TMEM45B: variants seen among roughly 807,000 people sequenced by gnomAD.
TMEM45B encodes the protein transmembrane protein 45B.
A neutral mutation model predicts 27.3 loss-of-function variants in TMEM45B; 29 were observed. The ratio of observed to expected loss-of-function variants is 1.06; its 90% CI spans 0.79 to 1.45. TMEM45B has a LOEUF of 1.45. Among genes scored for constraint, TMEM45B ranks in the 40% most tolerant of loss-of-function variants. TMEM45B has a pLI of 0.00. For synonymous variants in TMEM45B, 143 were observed against 134.7 expected, an observed-to-expected ratio of 1.06 and a Z score of -0.43; for missense variants, 348 against 343.9, an observed-to-expected ratio of 1.01 and a Z score of -0.09.
At chr11:129,819,808 C>A (rs1591431841) in intron 1 of TMEM45B, among the ~76,000 whole-genome samples, 1 of 151,928 alleles carries the variant, frequency 6.6e-6, no homozygotes, top group Non-Finnish European at 1.5e-5. Flanking sequence ...CCCCCCTCGG[C>A]CTCCCAAAGT....
intron 1 of TMEM45B, among the ~76,000 whole-genome samples, chr11:129,819,106 T>C (rs1947386901): frequency 6.6e-6 from 1 of 152,228 alleles, no homozygotes; most frequent in South Asian, 2.1e-4. Context: ...TAGCCGTTAT[T>C]ATAGTGGCTA....
At chr11:129,825,024 G>C (rs974556456) in intron 1 of TMEM45B, among the ~76,000 whole-genome samples, 7 of 152,326 alleles carry the variant, frequency 4.6e-5, no homozygotes, top group African/African-American at 1.7e-4. Context: ...GCAAGGGGAC[G>C]TGGACCCCTC....
At chr11:129,830,575 A>T (rs1231951634) in intron 1 of TMEM45B, among the ~76,000 whole-genome samples, 3 of 152,256 alleles carry the variant, frequency 2.0e-5, no homozygotes, top group African/African-American at 7.2e-5. Context: ...ATATTTGCAA[A>T]TAATATATCT....
At chr11:129,853,135 G>A (rs989881033) in intron 2 of TMEM45B, among the ~76,000 whole-genome samples, 6 of 152,236 alleles carry the variant, frequency 3.9e-5, no homozygotes, top group Admixed American at 6.5e-5. Flanking sequence ...ATGTAGATTC[G>A]TAAATTAGCC....
At chr11:129,847,433 C>A (rs376263948) in intron 1 of TMEM45B, among the ~76,000 whole-genome samples, 1,628 of 48,374 alleles carry the variant, frequency 0.034, 28 homozygotes, top group African/African-American at 0.079. Context: ...TTTTATTGAT[C>A]ATTCTTGGGT....
chr11:129,851,003 G>A (rs956311508), intron 1 of TMEM45B, among the ~76,000 whole-genome samples: 1 of 152,216 alleles, frequency 6.6e-6, no homozygotes, highest in Non-Finnish European at 1.5e-5. Context: ...CTTAGTCCCT[G>A]TTGTGCTGAT....
intron 1 of TMEM45B, among the ~76,000 whole-genome samples, chr11:129,820,734 A>G (rs1245332175): frequency 6.6e-6 from 1 of 151,666 alleles, no homozygotes; most frequent in Admixed American, 6.6e-5. Context: ...TTGAGGGTAT[A>G]CTTTATTTTT....
At chr11:129,825,674 C>T (rs1466830015) in intron 1 of TMEM45B, among the ~76,000 whole-genome samples, 1 of 152,078 alleles carries the variant, frequency 6.6e-6, no homozygotes, top group Non-Finnish European at 1.5e-5. Context: ...GTGGAAGGCC[C>T]AGCCTCTGCC....
At chr11:129,827,324 G>T (rs994349986) in intron 1 of TMEM45B, among the ~76,000 whole-genome samples, 1 of 152,190 alleles carries the variant, frequency 6.6e-6, no homozygotes, top group Non-Finnish European at 1.5e-5. Flanking sequence ...TAGGCTATGC[G>T]GTGTATACTG....
At chr11:129,827,727 G>A (rs1348509516) in intron 1 of TMEM45B, among the ~76,000 whole-genome samples, 1 of 152,088 alleles carries the variant, frequency 6.6e-6, no homozygotes, top group Admixed American at 6.6e-5. Flanking sequence ...AGCTTGAACT[G>A]GGAGGCGGAG....
At chr11:129,827,626 A>G (rs928428233) in intron 1 of TMEM45B, among the ~76,000 whole-genome samples, 34 of 152,204 alleles carry the variant, frequency 2.2e-4, no homozygotes, top group Non-Finnish European at 2.1e-4. Context: ...CAACATGGAG[A>G]AACCCCGCCT....
At chr11:129,849,292 T>A (rs185917762) in intron 1 of TMEM45B, among the ~76,000 whole-genome samples, 1 of 152,226 alleles carries the variant, frequency 6.6e-6, no homozygotes, top group Non-Finnish European at 1.5e-5. Context: ...ACAGGACAGA[T>A]GTTTCTAGTC....
intron 2 of TMEM45B, among the ~76,000 whole-genome samples, chr11:129,853,590 T>C (rs2135601449): frequency 6.6e-6 from 1 of 152,254 alleles, no homozygotes; most frequent in Middle Eastern, 3.4e-3. Flanking sequence ...ATTACAATAT[T>C]TGGCCCCTTG....
At chr11:129,849,452 G>A (rs958968853) in intron 1 of TMEM45B, among the ~76,000 whole-genome samples, 1 of 152,178 alleles carries the variant, frequency 6.6e-6, no homozygotes, top group Admixed American at 6.5e-5. Flanking sequence ...GGCCCCCAAG[G>A]CTCCAGGTGA....
rs140646431 is a variant in TMEM45B at position 129,817,347 on chromosome 11, G to A, written c.-9+1449G>A. Among the ~76,000 whole-genome samples the A allele has an allele frequency of 3.3e-5, 5 of 152,316 alleles. No individual in the cohort carries two copies. In the East Asian group the frequency reaches 9.6e-4, roughly 29 times the overall value. ...TAGGGGCCCAGGGGCGTCAGACTTAGCTCTTTGTGACAGTGAGCTTCTTGG... is the reference window on the plus strand; with the variant it reads ...TAGGGGCCCAGGGGCGTCAGACTTAACTCTTTGTGACAGTGAGCTTCTTGG... On this transcript the variant is annotated intron_variant, in intron 1 of 5. Coordinates refer to ENST00000281441, the MANE Select transcript of TMEM45B (RefSeq NM_138788.5).
chr11:129,833,357 G>C (rs560632616), intron 1 of TMEM45B, among the ~76,000 whole-genome samples: 2 of 152,120 alleles, frequency 1.3e-5, no homozygotes, highest in African/African-American at 4.8e-5. Flanking sequence ...AAGTGTATAT[G>C]TTGAAGTCCT....
chr11:129,832,529 T>C (rs1158451659), intron 1 of TMEM45B, among the ~76,000 whole-genome samples: 2 of 151,938 alleles, frequency 1.3e-5, no homozygotes, highest in East Asian at 1.9e-4. Flanking sequence ...TATTGGTGAT[T>C]GCCAGGGGTT....
At chr11:129,828,589 C>A (rs991874061) in intron 1 of TMEM45B, among the ~76,000 whole-genome samples, 5 of 152,134 alleles carry the variant, frequency 3.3e-5, no homozygotes, top group Non-Finnish European at 7.3e-5. Flanking sequence ...GCTCATAGAA[C>A]GTGAAGAGGT....
chr11:129,837,437 G>C (rs691298), intron 1 of TMEM45B, among the ~76,000 whole-genome samples: 52,702 of 150,712 alleles, frequency 0.35, 9,503 homozygotes, highest in East Asian at 0.48. Context: ...AGGTGCCCAC[G>C]ACCATGCCCG....
Sources: gnomAD v4.1 joint callset for allele counts (sites outside exome capture counted in the v4.1 genomes callset) on GRCh38, gnomAD v4.1.1 for gene constraint, MANE v1.5 for transcripts, NCBI Gene and HGNC (gene_info 2026-07-23, HGNC 2026-07-21) for gene names.